CASZ1: variants seen among roughly 807,000 people sequenced by gnomAD.
CASZ1 encodes the protein castor zinc finger 1, also known as zinc finger protein castor homolog 1.
Under a neutral mutation model 135.2 loss-of-function variants are expected in CASZ1, and 28 were observed. The ratio of observed to expected loss-of-function variants is 0.21; its 90% confidence interval spans 0.15 to 0.28. CASZ1 has a LOEUF of 0.28. Ranked by LOEUF, CASZ1 falls within the 10% of genes least tolerant of loss-of-function variation. The pLI is 1.00. For synonymous variants in CASZ1, 1,068 were observed against 1,073.4 expected (o/e 0.99, Z 0.10); for missense variants, 2,161 against 2,453.3 (o/e 0.88, Z 2.52).
chr1:10,673,400 C>T (rs956946997), intron 4 of CASZ1, among the ~76,000 whole-genome samples: 1 of 152,090 alleles, frequency 6.6e-6, no homozygotes, highest in Non-Finnish European at 1.5e-5. Context: ...CCTCTCCCTT[C>T]GCCTAACAGC....
In CASZ1 at chr1:10,720,512, G is replaced by A. The variant is rs1047925735; in HGVS notation, c.-76-14968C>T. Reference sequence around the variant, plus strand: ...AAAACTGACGAAAGCAGCCACCAAGGCCCTGGACTGTAAGGCTGGAGGGGA... The same window carrying A: ...AAAACTGACGAAAGCAGCCACCAAGACCCTGGACTGTAAGGCTGGAGGGGA... On this transcript the variant is annotated intron_variant, in intron 2 of 20. Transcript: ENST00000377022. This position sits in a 1 kb window ranked among gnomAD's most constrained non-coding sequence, Gnocchi z 5.7. Among the ~76,000 whole-genome samples, 1 of 152,180 alleles carries A rather than the reference G, an allele frequency of 6.6e-6. No individual in the cohort carries two copies. Among genetic ancestry groups the A allele is most frequent in the South Asian group, 2.1e-4 (1 of 4,826 alleles).
In CASZ1 at chr1:10,788,529, T is replaced by C. The variant is rs990079779; in HGVS notation, c.-234+8035A>G. Among the ~76,000 whole-genome samples, 1 of 152,056 alleles carries C rather than the reference T, an allele frequency of 6.6e-6. No homozygotes were observed. The highest frequency in any genetic ancestry group is 2.4e-5 in the African/African-American group (1 of 41,392). Reference sequence around the variant, plus strand: ...TACGAGATTTTTTTTATTAAGAGGATTCTCAAAGGGGGCACATGGATTCAA... The same window carrying C: ...TACGAGATTTTTTTTATTAAGAGGACTCTCAAAGGGGGCACATGGATTCAA... On this transcript the variant is annotated intron_variant, in intron 1 of 20. Transcript: ENST00000377022. The surrounding 1 kb of genome is among the most constrained non-coding windows in gnomAD (Gnocchi z 4.1).
chr1:10,752,768 G>C (rs569912486), intron 2 of CASZ1, among the ~76,000 whole-genome samples: 11 of 152,384 alleles, frequency 7.2e-5, no homozygotes, highest in South Asian at 2.1e-4. Context: ...AGGTGCCGTG[G>C]CTCACGCCTG....
intron 2 of CASZ1, among the ~76,000 whole-genome samples, chr1:10,736,600 C>T (rs570098914): frequency 6.6e-6 from 1 of 152,314 alleles, no homozygotes; most frequent in South Asian, 2.1e-4. Context: ...GTGATCACTC[C>T]CCAAAACACA....
intron 1 of CASZ1, among the ~76,000 whole-genome samples, chr1:10,796,037 C>A (rs750064750): frequency 6.6e-6 from 1 of 151,542 alleles, no homozygotes; most frequent in African/African-American, 2.4e-5. Context: ...GGAGAGCGCA[C>A]GACCCCTCTG....
intron 2 of CASZ1, among the ~76,000 whole-genome samples, chr1:10,742,457 C>T (rs1205381169): frequency 2.0e-5 from 3 of 152,174 alleles, no homozygotes; most frequent in Non-Finnish European, 4.4e-5. Flanking sequence ...GGCAGAGATT[C>T]CAGCCAGGCC....
Position 10,755,351 on chromosome 1 carries a change from G to A in CASZ1, c.-77+5350C>T, listed in dbSNP as rs1640231008. On this transcript the variant is annotated intron_variant, in intron 2 of 20. Transcript: ENST00000377022. This position sits in a 1 kb window ranked among gnomAD's most constrained non-coding sequence, Gnocchi z 4.3. The stretch of plus-strand genomic sequence containing the variant: ...AGGAGATGATGCAGTCAGGACTCCG[G>A]GACTCCTCCATGTGTGAGACCTGAC... Among the ~76,000 whole-genome samples, 1 of 152,150 alleles carries A rather than the reference G, an allele frequency of 6.6e-6. No individual in the cohort carries two copies. Among genetic ancestry groups the A allele is most frequent in the Non-Finnish European group, 1.5e-5 (1 of 68,020 alleles).
In CASZ1 at chr1:10,697,575, T is replaced by C. The variant is rs1638961241; in HGVS notation, c.-23-3663A>G. ...ATCTGCCCTTCCTGTCACACTGCTA[T>C]CGCTGGTTCCTGTTACCCCCCCCGC... On this transcript the variant is annotated intron_variant, in intron 3 of 20. Transcript: ENST00000377022. The surrounding 1 kb of genome is among the most constrained non-coding windows in gnomAD (Gnocchi z 4.7). Among the ~76,000 whole-genome samples the C allele has an allele frequency of 6.6e-6, 1 of 151,996 alleles. No homozygotes were observed. The highest frequency in any genetic ancestry group is 2.4e-5 in the African/African-American group (1 of 41,344).
intron 4 of CASZ1, among the ~76,000 whole-genome samples, chr1:10,673,880 G>A (rs893481748): frequency 2.0e-5 from 3 of 152,276 alleles, no homozygotes; most frequent in Non-Finnish European, 2.9e-5. Context: ...GAGGCCAGGC[G>A]CCCTGGGTCT....
chr1:10,666,624 G>A lies in CASZ1; in HGVS notation c.17-1053C>T, dbSNP rs745802917. Among the ~76,000 whole-genome samples the A allele has an allele frequency of 3.3e-5, 5 of 152,248 alleles. No homozygotes were observed. Among genetic ancestry groups the A allele is most frequent in the Admixed American group, 6.5e-5 (1 of 15,290 alleles). On this transcript the variant is annotated intron_variant, in intron 4 of 20. Transcript: ENST00000377022. The surrounding 1 kb of genome is among the most constrained non-coding windows in gnomAD (Gnocchi z 5.2). The stretch of plus-strand genomic sequence containing the variant: ...ATGTGACAGCCCGACACACACAGCC[G>A]GAAGGAAGCCCTCATGAGGCGACTT...
intron 2 of CASZ1, among the ~76,000 whole-genome samples, chr1:10,750,928 A>T (rs1352885402): frequency 6.6e-6 from 1 of 150,648 alleles, no homozygotes; most frequent in African/African-American, 2.4e-5. Flanking sequence ...ATATAAATAA[A>T]ATAAAAAATA....
At position 10,653,369 on chromosome 1, in the gene CASZ1, C is replaced by T. The variant is rs1442807616; in HGVS notation, c.2680+8G>A. 1 of 1,612,938 alleles carries T rather than the reference C, an allele frequency of 6.2e-7. No homozygotes were observed. Among genetic ancestry groups the T allele is most frequent in the Non-Finnish European group, 8.5e-7 (1 of 1,179,936 alleles). ...GCCTGCTTTCTGGGCAGGACCCAGC[C>T]TGCTCACCTGGGTCAAAGGTGGCAG... On this transcript the variant is annotated splice_region_variant and intron_variant, in intron 11 of 20. Transcript: ENST00000377022.
At position 10,676,959 on chromosome 1, in the gene CASZ1, C is replaced by A. The variant is rs534843862; in HGVS notation, c.17-11388G>T. Among the ~76,000 whole-genome samples, 140 of 152,374 alleles carry A rather than the reference C, an allele frequency of 9.2e-4. No individual in the cohort carries two copies. The highest frequency in any genetic ancestry group is 3.2e-3 in the African/African-American group (134 of 41,598). On this transcript the variant is annotated intron_variant, in intron 4 of 20. Transcript: ENST00000377022. This position sits in a 1 kb window ranked among gnomAD's most constrained non-coding sequence, Gnocchi z 4.5. ...CTCGCTGAGGCCCCTGTGGGCACAG[C>A]CAGTCAGGGGGTGCAGGGCCCCACA...
chr1:10,651,174 G>C, intron 11 of CASZ1, 98 bp from the exon 12 acceptor site: 2 of 1,017,262 alleles, frequency 2.0e-6, no homozygotes, highest in Non-Finnish European at 2.7e-6. Flanking sequence ...AGTGGGCTGG[G>C]TGGGCCCCGG....
chr1:10,790,537 A>C (rs1640937635), intron 1 of CASZ1, among the ~76,000 whole-genome samples: 1 of 152,238 alleles, frequency 6.6e-6, no homozygotes, highest in Non-Finnish European at 1.5e-5. Flanking sequence ...GAGTCTCAGC[A>C]TCAGACTGGC....
At chr1:10,684,720 C>T (rs1638532360) in intron 4 of CASZ1, among the ~76,000 whole-genome samples, 2 of 152,210 alleles carry the variant, frequency 1.3e-5, no homozygotes, top group African/African-American at 2.4e-5. Context: ...GCTGGGAACT[C>T]GGCCTGGAGT....
chr1:10,746,027 T>C (rs1640033771), intron 2 of CASZ1, among the ~76,000 whole-genome samples: 1 of 152,220 alleles, frequency 6.6e-6, no homozygotes, highest in African/African-American at 2.4e-5. Context: ...GCCTGTGGCG[T>C]GCCCGGCCCA....
chr1:10,689,876 T>C (rs1203817929), intron 4 of CASZ1, among the ~76,000 whole-genome samples: 1 of 152,200 alleles, frequency 6.6e-6, no homozygotes, highest in Non-Finnish European at 1.5e-5. Context: ...TAAATGTCAC[T>C]AACCGGTGCA....
chr1:10,682,621 T>C (rs1459103391), intron 4 of CASZ1, among the ~76,000 whole-genome samples: 1 of 152,228 alleles, frequency 6.6e-6, no homozygotes, highest in Non-Finnish European at 1.5e-5. Flanking sequence ...ATGTCACCGC[T>C]TGTCATGTTT....
Sources: gnomAD v4.1 joint callset for allele counts (sites outside exome capture counted in the v4.1 genomes callset) on GRCh38, gnomAD v4.1.1 for gene constraint, Gnocchi (gnomAD v3.1) non-coding constraint, MANE v1.5 for transcripts, NCBI Gene and HGNC (gene_info 2026-07-23, HGNC 2026-07-21) for gene names.